Variants in TENM2 observed in about 807,000 individuals in gnomAD.
TENM2 encodes the protein teneurin transmembrane protein 2.
Under a neutral mutation model 245.2 loss-of-function variants are expected in TENM2, and 52 were observed. The observed-to-expected ratio is 0.21, with a 90% CI of 0.17 to 0.27. The LOEUF (loss-of-function observed/expected upper bound fraction) is 0.27. Among genes scored for constraint, TENM2 ranks in the 10% least tolerant of loss-of-function variants. The probability of loss-of-function intolerance (pLI) is 1.00; values close to 1 mark genes in which losing one functional copy is unlikely to be tolerated. For synonymous variants in TENM2, 1,363 were observed against 1,438.9 expected (o/e 0.95, Z 1.19); for missense variants, 3,046 against 3,666.8 (o/e 0.83, Z 4.37).
At chr5:167,820,118 T>A (rs1272296619) in intron 2 of TENM2, among the ~76,000 whole-genome samples, 7 of 151,892 alleles carry the variant, frequency 4.6e-5, no homozygotes, top group Non-Finnish European at 1.0e-4. Flanking sequence ...AGGGAAAGAG[T>A]CCTTTTCCCT....
At position 168,149,395 on chromosome 5, in the gene TENM2, G is replaced by A. The variant is rs774694505; in HGVS notation, c.2423-13216G>A. Reference sequence around the variant, plus strand: ...CCTCATCTGCCTGCTAGTTCCAACCGAGGAGTCTGGTTTGCTGCATCAACA... The same window carrying A: ...CCTCATCTGCCTGCTAGTTCCAACCAAGGAGTCTGGTTTGCTGCATCAACA... On this transcript the variant is annotated intron_variant, in intron 12 of 28. Coordinates refer to ENST00000518659, the Ensembl canonical transcript of TENM2. 44 of 457,016 alleles carry A rather than the reference G, an allele frequency of 9.6e-5. No individual in the cohort carries two copies. In the Middle Eastern group the frequency reaches 1.3e-3, roughly 13 times the overall value. The allele number at this position is 457,016 out of a possible 1,614,324, so 28.3% of individuals were successfully genotyped here.
chr5:167,177,951 T>G, the TENM2 span, among the ~76,000 whole-genome samples: 1 of 152,192 alleles, frequency 6.6e-6, no homozygotes, highest in Admixed American at 6.5e-5. Flanking sequence ...CTGAGCAGCC[T>G]CAGCTGCCAC....
chr5:167,919,674 G>T (rs1368970551), intron 3 of TENM2, among the ~76,000 whole-genome samples: 1 of 152,154 alleles, frequency 6.6e-6, no homozygotes, highest in African/African-American at 2.4e-5. Flanking sequence ...ATTTTGTTTG[G>T]AGAGAAGCTG....
At chr5:167,103,887 C>A in the TENM2 span, among the ~76,000 whole-genome samples, 1 of 151,968 alleles carries the variant, frequency 6.6e-6, no homozygotes, top group Non-Finnish European at 1.5e-5. Context: ...TGTGTGTACA[C>A]ACACACACGC....
chr5:167,248,784 A>G, the TENM2 span, among the ~76,000 whole-genome samples: 429 of 101,844 alleles, frequency 4.2e-3, 1 homozygote, highest in African/African-American at 0.013. Context: ...ATATGTGTGT[A>G]TATATATATG....
At chr5:167,161,392 A>G in the TENM2 span, among the ~76,000 whole-genome samples, 1 of 152,174 alleles carries the variant, frequency 6.6e-6, no homozygotes, top group African/African-American at 2.4e-5. Context: ...TAAAAGTTTT[A>G]TGCTTTCTTC....
At chr5:167,514,073 A>T (rs758930727) in intron 2 of TENM2, among the ~76,000 whole-genome samples, 5 of 152,192 alleles carry the variant, frequency 3.3e-5, no homozygotes, top group Non-Finnish European at 7.3e-5. Flanking sequence ...ACGCAGTACA[A>T]AGTTGTTCCT....
the TENM2 span, among the ~76,000 whole-genome samples, chr5:167,209,008 C>T: frequency 6.6e-6 from 1 of 152,130 alleles, no homozygotes; most frequent in Non-Finnish European, 1.5e-5. Flanking sequence ...GTGGGAGAAT[C>T]AGGAAGCTAT....
At chr5:167,169,116 A>G in the TENM2 span, among the ~76,000 whole-genome samples, 1 of 152,136 alleles carries the variant, frequency 6.6e-6, no homozygotes, top group Admixed American at 6.5e-5. Flanking sequence ...GCGTCTGTAC[A>G]GAGGGATATG....
At chr5:167,641,020 T>A (rs1399920667) in intron 2 of TENM2, among the ~76,000 whole-genome samples, 3 of 150,388 alleles carry the variant, frequency 2.0e-5, no homozygotes, top group Non-Finnish European at 4.4e-5. Flanking sequence ...CCTGCTGAAG[T>A]GGAAACCCTA....
rs11455974 is a variant in TENM2, at chr5:167,620,549, CTTTTTT to C, written c.502+245093_502+245098del. 1.8e-4 allele frequency among the ~76,000 whole-genome samples: 13 copies of C among 73,332 alleles called. No homozygotes were observed. The South Asian group carries it at 8.5e-3, about 48-fold the overall frequency. 48.1% of individuals were successfully genotyped at this position (73,332 alleles called of 152,430 possible). ...TGTTGGCTAAAACTTTGCTTTTTGG[CTTTTTT>C]TTTTTTTTTTTTTTTTCAAGAACTG... On this transcript the variant is annotated intron_variant, in intron 2 of 28. Coordinates refer to ENST00000518659, the Ensembl canonical transcript of TENM2.
At chr5:168,077,448 T>A (rs755790303) in intron 7 of TENM2, among the ~76,000 whole-genome samples, 1 of 152,104 alleles carries the variant, frequency 6.6e-6, no homozygotes, top group Non-Finnish European at 1.5e-5. Flanking sequence ...TTAATTATAC[T>A]TTAAATTCTA....
chr5:167,834,811 A>G (rs1768834653), intron 2 of TENM2, among the ~76,000 whole-genome samples: 3 of 151,950 alleles, frequency 2.0e-5, no homozygotes, highest in East Asian at 3.9e-4. Flanking sequence ...CACCACGCCC[A>G]GCTAATTTTT....
chr5:167,262,032 C>A, the TENM2 span, among the ~76,000 whole-genome samples: 3 of 152,210 alleles, frequency 2.0e-5, no homozygotes, highest in South Asian at 4.1e-4. Context: ...CTACTAAATT[C>A]AACATGTGTT....
chr5:167,201,552 G>A, the TENM2 span, among the ~76,000 whole-genome samples: 84 of 152,270 alleles, frequency 5.5e-4, no homozygotes, highest in South Asian at 0.017. Flanking sequence ...ATGGTCATTA[G>A]CACAGTGGAT....
intron 13 of TENM2, among the ~76,000 whole-genome samples, chr5:168,174,556 G>C (rs796651424): frequency 2.0e-5 from 3 of 152,168 alleles, no homozygotes; most frequent in Non-Finnish European, 4.4e-5. Flanking sequence ...AGTAGGTCTG[G>C]CAGGAAGCCC....
At chr5:167,116,301 T>G in the TENM2 span, 1 of 152,272 alleles carries the variant, frequency 6.6e-6, no homozygotes, top group Non-Finnish European at 1.5e-5. Flanking sequence ...CCAAGAAAGT[T>G]TGGGCCAGGC....
chr5:168,131,841 C>T (rs1754609378), intron 12 of TENM2, among the ~76,000 whole-genome samples: 1 of 152,136 alleles, frequency 6.6e-6, no homozygotes, highest in African/African-American at 2.4e-5. Flanking sequence ...TACCACCAGG[C>T]CTGTGGAATC....
chr5:167,871,744 G>C (rs1023399596), intron 2 of TENM2, among the ~76,000 whole-genome samples: 2 of 152,164 alleles, frequency 1.3e-5, no homozygotes, highest in African/African-American at 4.8e-5. Flanking sequence ...CAACATAGTT[G>C]GAGAGTCAAG....
Sources: allele counts gnomAD v4.1 joint callset (sites outside exome capture counted in the v4.1 genomes callset), GRCh38; gene constraint gnomAD v4.1.1; transcripts MANE v1.5; gene names NCBI Gene and HGNC (gene_info 2026-07-23, HGNC 2026-07-21).